OR7C1: variants seen among roughly 807,000 people sequenced by gnomAD.
OR7C1 encodes olfactory receptor family 7 subfamily C member 1, also known as olfactory receptor 7C1.
For missense variants in OR7C1, 324 were observed against 383.3 expected (o/e 0.85, Z 1.29); for synonymous variants, 152 against 160.7 (o/e 0.95, Z 0.41).
chr19:14,827,406 G>A, intron 1 of OR7C1: 1 of 1,614,158 alleles, frequency 6.2e-7, no homozygotes, highest in Non-Finnish European at 8.5e-7. Context: ...GGTGACCACA[G>A]TGTACATCAC....
At chr19:14,816,967 C>CT (rs2044719020) in intron 1 of OR7C1, among the ~76,000 whole-genome samples, 1 of 152,092 alleles carries the variant, frequency 6.6e-6, no homozygotes, top group East Asian at 1.9e-4. Flanking sequence ...AAATCAGACA[C>CT]TTACGGGTTA....
chr19:14,831,872 T>C (rs1190686151), intron 1 of OR7C1, among the ~76,000 whole-genome samples: 1 of 152,208 alleles, frequency 6.6e-6, no homozygotes, highest in Non-Finnish European at 1.5e-5. Context: ...TATTAAATTT[T>C]GCACACGTCA....
chr19:14,828,352 C>T (rs1197948044), intron 1 of OR7C1: 1 of 1,240,686 alleles, frequency 8.1e-7, no homozygotes, highest in Non-Finnish European at 1.1e-6. Context: ...AATAAATTAT[C>T]TTACATTTTG....
chr19:14,803,826 C>T (rs2044653869), intron 2 of OR7C1, among the ~76,000 whole-genome samples: 1 of 151,918 alleles, frequency 6.6e-6, no homozygotes, highest in South Asian at 2.1e-4. Flanking sequence ...TCTCCTGCCT[C>T]AGCCTCCTGA....
Position 14,811,430 on chromosome 19 carries a change from G to GCC in OR7C1, c.-622-1438_-622-1437insGG, listed in dbSNP as rs375251807. 6.0e-4 allele frequency among the ~76,000 whole-genome samples: 91 copies of GCC among 151,874 alleles called. 2 individuals carry two copies. The highest frequency in any genetic ancestry group is 6.8e-3 in the Middle Eastern group (2 of 294). On this transcript the variant is annotated intron_variant, in intron 1 of 4. Transcript: ENST00000641666. ...GTGTGTGTTTTCTCCTGTGCATGTC[G>GCC]CTTATAAAGACACTGTGTCATTGAA...
At chr19:14,800,180 A>G in intron 4 of OR7C1, 31 bp from the exon 5 acceptor site, 1 of 1,502,546 alleles carries the variant, frequency 6.7e-7, no homozygotes, top group Non-Finnish European at 8.9e-7. Flanking sequence ...GCAACAGTCA[A>G]TTATCAACAC....
intron 2 of OR7C1, among the ~76,000 whole-genome samples, chr19:14,805,728 C>T (rs2044663547): frequency 6.6e-6 from 1 of 151,850 alleles, no homozygotes; most frequent in South Asian, 2.1e-4. Context: ...GAAATTATTT[C>T]TGTGTGACAA....
At chr19:14,832,624 A>G (rs2044844578) in intron 1 of OR7C1, among the ~76,000 whole-genome samples, 2 of 151,012 alleles carry the variant, frequency 1.3e-5, no homozygotes, top group Non-Finnish European at 3.0e-5. Context: ...TCGGGGTTTC[A>G]CCATGTTGGC....
intron 1 of OR7C1, among the ~76,000 whole-genome samples, chr19:14,814,554 G>C (rs2062437998): frequency 6.6e-6 from 1 of 152,086 alleles, no homozygotes; most frequent in Non-Finnish European, 1.5e-5. Flanking sequence ...CTCCTGAGTA[G>C]CTGGGATTAA....
rs532043196 is a variant in OR7C1 at position 14,798,763 on chromosome 19, C to T, written c.*411G>A. The T allele has an allele frequency of 1.1e-3, 178 of 161,994 alleles. 5 individuals are homozygous for T. The South Asian group carries it at 0.03, about 27-fold the overall frequency. The allele number at this position is 161,994 out of a possible 1,614,324, so 10.0% of individuals were successfully genotyped here. On this transcript the variant is annotated 3_prime_UTR_variant, in exon 5 of 5. Transcript: ENST00000641666. The stretch of plus-strand genomic sequence containing the variant: ...TTTTATTATACAGATGGGTTCTTTA[C>T]CTGGGCAGCCCCATGTTGCCTGTTC...
At chr19:14,827,581 T>C (rs573072092) in intron 1 of OR7C1, 6 of 1,614,158 alleles carry the variant, frequency 3.7e-6, no homozygotes, top group African/African-American at 2.7e-5. Flanking sequence ...GAAGAAATTA[T>C]CTTAGAGTAA....
At chr19:14,813,533 C>T (rs946770938) in intron 1 of OR7C1, among the ~76,000 whole-genome samples, 2 of 151,990 alleles carry the variant, frequency 1.3e-5, no homozygotes, top group Admixed American at 6.6e-5. Context: ...CCAGCCCCAG[C>T]GACAGAGTGA....
chr19:14,828,935 TCGAATATAAACAAATTAAAC>T (rs1371833859), intron 1 of OR7C1, among the ~76,000 whole-genome samples: 1 of 77,230 alleles, frequency 1.3e-5, no homozygotes, highest in East Asian at 9.4e-4. Context: ...AATTAAACAA[TCGAATATAAACAAATTAAAC>T]AATCACATAA....
Position 14,822,823 on chromosome 19 carries a change from A to G in OR7C1, c.-623+12251T>C, listed in dbSNP as rs1226751065. Among the ~76,000 whole-genome samples the G allele has an allele frequency of 5.3e-5, 8 of 150,806 alleles. No individual in the cohort carries two copies. In the East Asian group the frequency reaches 1.4e-3, roughly 26 times the overall value. On this transcript the variant is annotated intron_variant, in intron 1 of 4. Transcript: ENST00000641666. ...CCAGCTGTATGTCTTCTATTGAGAC[A>G]TGTCTCTTCATGTCCTCTGCCTATT...
At position 14,824,834 on chromosome 19, in the gene OR7C1, C is replaced by T. The variant is rs1423544676; in HGVS notation, c.-623+10240G>A. 3.3e-5 allele frequency: 5 copies of T among 152,266 alleles called. No homozygotes were observed. The South Asian group carries it at 8.3e-4, about 25-fold the overall frequency. The allele number at this position is 152,266 out of a possible 1,614,324, so 9.4% of individuals were successfully genotyped here. On this transcript the variant is annotated intron_variant, in intron 1 of 4. Transcript: ENST00000641666. ...ACAGTGGCTGGACTAATTTACATTC[C>T]CACCAACAGTGTATAAGTGGATATT...
In OR7C1 at chr19:14,821,101, A is replaced by G. The variant is rs531839160; in HGVS notation, c.-622-11108T>C. Among the ~76,000 whole-genome samples, 777 of 152,130 alleles carry G rather than the reference A, an allele frequency of 5.1e-3. 6 individuals carry two copies. The highest frequency in any genetic ancestry group is 8.4e-3 in the Non-Finnish European group (572 of 67,956). On this transcript the variant is annotated intron_variant, in intron 1 of 4. Coordinates refer to ENST00000641666, the Ensembl canonical transcript of OR7C1. ...AAAAATACAAAAATTAGCTGGGTGT[A>G]GTGGCAGGTGCCTGTAATCCCAGCT...
intron 1 of OR7C1, among the ~76,000 whole-genome samples, chr19:14,822,608 T>C (rs1312792109): frequency 2.0e-5 from 3 of 152,086 alleles, no homozygotes; most frequent in African/African-American, 7.2e-5. Context: ...GGTCTTCAAC[T>C]CTTGACCTCG....
intron 1 of OR7C1, among the ~76,000 whole-genome samples, chr19:14,831,041 C>A (rs1376421635): frequency 6.6e-6 from 1 of 152,212 alleles, no homozygotes; most frequent in Admixed American, 6.5e-5. Flanking sequence ...TGCTAACCTG[C>A]CCATTGCACC....
At chr19:14,829,792 A>G (rs2050610139) in intron 1 of OR7C1, among the ~76,000 whole-genome samples, 1 of 152,156 alleles carries the variant, frequency 6.6e-6, no homozygotes, top group Admixed American at 6.5e-5. Context: ...ATAATAAAAT[A>G]TATTGAGGCC....
Sources: gnomAD v4.1 joint callset for allele counts (sites outside exome capture counted in the v4.1 genomes callset) on GRCh38, gnomAD v4.1.1 for gene constraint, MANE v1.5 for transcripts, NCBI Gene and HGNC (gene_info 2026-07-23, HGNC 2026-07-21) for gene names.